Variants in EIF5B observed in about 807,000 individuals in gnomAD.
EIF5B encodes eukaryotic translation initiation factor 5B, also known as eIF-5B.
Under a neutral mutation model 147.5 loss-of-function variants are expected in EIF5B, and 47 were observed. The ratio of observed to expected loss-of-function variants is 0.32; its 90% CI spans 0.25 to 0.41. The LOEUF (loss-of-function observed/expected upper bound fraction) is 0.41, where lower values mean the gene tolerates loss of function less well. EIF5B is among the 10% of genes least tolerant of loss of function. EIF5B has a pLI of 1.00. For synonymous variants in EIF5B, 455 were observed against 456.2 expected, an observed-to-expected ratio of 1.00 and a Z score of 0.03; for missense variants, 1,064 against 1,413.2, an observed-to-expected ratio of 0.75 and a Z score of 3.96.
chr2:99,383,764 G>A (rs1674738684), intron 14 of EIF5B, among the ~76,000 whole-genome samples: 1 of 146,468 alleles, frequency 6.8e-6, no homozygotes, highest in Non-Finnish European at 1.5e-5. Flanking sequence ...GATTTTCAGT[G>A]TAGACAAAAA....
chr2:99,372,581 G>T (rs903750632), intron 9 of EIF5B, among the ~76,000 whole-genome samples: 1 of 152,124 alleles, frequency 6.6e-6, no homozygotes, highest in Non-Finnish European at 1.5e-5. Context: ...CAGGTGATCC[G>T]CCCGCCTTGG....
intron 1 of EIF5B, among the ~76,000 whole-genome samples, chr2:99,356,445 C>G (rs1469890624): frequency 1.3e-5 from 2 of 152,162 alleles, no homozygotes; most frequent in African/African-American, 4.8e-5. Context: ...TTTACTTAAT[C>G]ATTTCTCTCT....
intron 8 of EIF5B, among the ~76,000 whole-genome samples, chr2:99,371,353 TGGC>T (rs2104202123): frequency 6.6e-6 from 1 of 152,040 alleles, no homozygotes; most frequent in African/African-American, 2.4e-5. Context: ...CTGGCCACGG[TGGC>T]GGGCATCTGT....
intron 14 of EIF5B, among the ~76,000 whole-genome samples, chr2:99,385,364 G>A (rs1674783201): frequency 6.6e-6 from 1 of 152,142 alleles, no homozygotes; most frequent in African/African-American, 2.4e-5. Flanking sequence ...TTCATAAAAG[G>A]AAGAATCAGT....
intron 1 of EIF5B, among the ~76,000 whole-genome samples, chr2:99,352,517 A>C (rs1673992092): frequency 7.0e-6 from 1 of 142,582 alleles, no homozygotes; most frequent in African/African-American, 2.6e-5. Context: ...TCATTTTGCT[A>C]ATTGTGTCTT....
At position 99,399,453 on chromosome 2, in the gene EIF5B, CTGTGT is replaced by C. The variant is rs906370147; in HGVS notation, c.*43_*47del. 1 of 1,575,616 alleles carries C rather than the reference CTGTGT, an allele frequency of 6.3e-7. No individual in the cohort carries two copies. The highest frequency in any genetic ancestry group is 1.3e-5 in the African/African-American group (1 of 74,092). ...AGCAGGAACTGGAGTAAATGCAATA[CTGTGT>C]TGTAATATCCCAACAAAAATCAGAC... On this transcript the variant is annotated 3_prime_UTR_variant, in exon 24 of 24. Transcript: ENST00000289371.
rs1411691872 is a variant in EIF5B at position 99,394,539 on chromosome 2, A to G, written c.3043A>G (p.Lys1015Glu). 1 of 1,614,200 alleles carries G rather than the reference A, an allele frequency of 6.2e-7. No homozygotes were observed. The highest frequency in any genetic ancestry group is 8.5e-7 in the Non-Finnish European group (1 of 1,180,030). ...YAGINIGPVH[K>E]KDVMKASVML... ...AGGAATTAACATTGGCCCAGTGCAT[A>G]AAAAAGATGTTATGAAGGCTTCAGT... The change falls in exon 20 of 24, where the codon AAA (lysine) becomes GAA (glutamate). Residue 1015 changes from lysine (K) to glutamate (E), a missense_variant. Around this residue, in one of 4 missense-constraint regions of EIF5B, gnomAD observed 380 missense variants for 715.6 expected, o/e 0.53. Coordinates refer to ENST00000289371, the MANE Select transcript of EIF5B (RefSeq NM_015904.4).
intron 11 of EIF5B, 85 bp downstream of exon 11, chr2:99,379,211 CAT>C: frequency 2.9e-6 from 4 of 1,391,886 alleles, no homozygotes; most frequent in Non-Finnish European, 3.0e-6. Context: ...ACCAATAGGA[CAT>C]ATAAGCAATT....
chr2:99,373,386 G>A (rs964864878), intron 9 of EIF5B, among the ~76,000 whole-genome samples: 21 of 152,286 alleles, frequency 1.4e-4, no homozygotes, highest in African/African-American at 4.8e-4. Context: ...CCTTGGTGCT[G>A]CATCCTCCAG....
intron 1 of EIF5B, among the ~76,000 whole-genome samples, chr2:99,352,442 G>A (rs1402898862): frequency 2.6e-5 from 4 of 151,104 alleles, no homozygotes; most frequent in Admixed American, 1.3e-4. Flanking sequence ...TGATCCACCC[G>A]CTTTGGCTTC....
At chr2:99,396,256 CAA>C (rs1675043972) in intron 21 of EIF5B, among the ~76,000 whole-genome samples, 2 of 152,138 alleles carry the variant, frequency 1.3e-5, no homozygotes, top group Non-Finnish European at 2.9e-5. Context: ...AGCGTGTGCT[CAA>C]TAAGCAGGGT....
intron 1 of EIF5B, among the ~76,000 whole-genome samples, chr2:99,354,959 C>T (rs1463252415): frequency 6.6e-6 from 1 of 152,042 alleles, no homozygotes; most frequent in African/African-American, 2.4e-5. Context: ...CCTGCCGCCA[C>T]ACCCAGCTAC....
chr2:99,399,408 C>A lies in EIF5B; in HGVS notation c.3657C>A (p.Ile1219=). The change falls in exon 24 of 24, where the codon ATC becomes ATA. Residue 1219 remains isoleucine (I), a synonymous_variant. Transcript: ENST00000289371. ...LIVELKKVFE[I]I is the part of the protein sequence containing the mutation. ...TGGAGCTGAAGAAAGTATTTGAAAT[C>A]ATCTAATTTTTTCACATGGAGCAGG... 1.2e-6 allele frequency: 2 copies of A among 1,613,880 alleles called. No homozygotes were observed. Among genetic ancestry groups the A allele is most frequent in the Non-Finnish European group, 1.7e-6 (2 of 1,179,882 alleles).
At chr2:99,398,939 T>A (rs375993860) in intron 23 of EIF5B, 30 bp downstream of exon 23, 6 of 1,603,912 alleles carry the variant, frequency 3.7e-6, no homozygotes, top group Non-Finnish European at 5.1e-6. Flanking sequence ...TGGCACACTT[T>A]AAGCAACAGG....
chr2:99,347,343 A>T (rs1377573675), intron 1 of EIF5B, among the ~76,000 whole-genome samples: 2 of 152,160 alleles, frequency 1.3e-5, no homozygotes, highest in African/African-American at 4.8e-5. Context: ...ACAAATATAA[A>T]ATTTTGTAAA....
intron 14 of EIF5B, among the ~76,000 whole-genome samples, chr2:99,384,653 G>C (rs1434089854): frequency 6.6e-6 from 1 of 152,216 alleles, no homozygotes; most frequent in African/African-American, 2.4e-5. Context: ...AACATTGATA[G>C]GAGTTTGGAA....
At chr2:99,357,107 G>T (rs544507935) in intron 1 of EIF5B, among the ~76,000 whole-genome samples, 3 of 152,100 alleles carry the variant, frequency 2.0e-5, no homozygotes, top group Non-Finnish European at 4.4e-5. Flanking sequence ...CTTGATCTGT[G>T]TGTCTCTTCT....
chr2:99,353,716 GGT>G (rs1486304357), intron 1 of EIF5B, among the ~76,000 whole-genome samples: 14 of 152,084 alleles, frequency 9.2e-5, no homozygotes, highest in Admixed American at 8.5e-4. Context: ...TCTAACCTCA[GGT>G]GTCTTGTATG....
chr2:99,361,547 A>G lies in EIF5B; in HGVS notation c.646A>G (p.Asn216Asp). Residue 216 changes from asparagine (N) to aspartate (D), a missense_variant, in exon 4 of 24, where the codon AAT becomes GAT. Asn to Asp is a conservative substitution (Grantham distance 23, BLOSUM62 1). Coordinates refer to ENST00000289371, the MANE Select transcript of EIF5B (RefSeq NM_015904.4). ...GCCAGGTCCTAACATAGAAAGTGGG[A>G]ATGAAGATGATGACGCCTCCTTCAA... ...NKPGPNIESG[N>D]EDDDASFKIK... 6.2e-7 allele frequency: 1 copy of G among 1,613,800 alleles called. No homozygotes were observed. The highest frequency in any genetic ancestry group is 1.6e-4 in the Middle Eastern group (1 of 6,062).
Sources: allele counts gnomAD v4.1 joint callset (sites outside exome capture counted in the v4.1 genomes callset), GRCh38; gene constraint gnomAD v4.1.1; regional missense constraint gnomAD v4.1.1; transcripts MANE v1.5; gene names NCBI Gene and HGNC (gene_info 2026-07-23, HGNC 2026-07-21).